COL23A1: variants seen among roughly 807,000 people sequenced by gnomAD.
COL23A1 encodes collagen alpha-1(XXIII) chain.
In COL23A1, 97 loss-of-function variants were observed where a neutral mutation model predicts 99.3. The observed-to-expected ratio is 0.98, with a 90% CI of 0.83 to 1.16. The LOEUF (loss-of-function observed/expected upper bound fraction) is 1.16. Among genes scored for constraint, COL23A1 ranks in the 50% most tolerant of loss-of-function variants. COL23A1 has a pLI of 0.00. For missense variants in COL23A1, 762 were observed against 757.4 expected, an observed-to-expected ratio of 1.01 and a Z score of -0.07; for synonymous variants, 320 against 308.2, an observed-to-expected ratio of 1.04 and a Z score of -0.40.
intron 3 of COL23A1, among the ~76,000 whole-genome samples, chr5:178,294,537 A>AAATCACTACC: frequency 6.6e-6 from 1 of 151,810 alleles, no homozygotes; most frequent in African/African-American, 2.4e-5. Flanking sequence ...CTCCTTCCCC[A>AAATCACTACC]GTGCCCCACA....
At chr5:178,262,373 A>G (rs538267441) in intron 9 of COL23A1, 121 bp from the exon 10 acceptor site, 1 of 904,494 alleles carries the variant, frequency 1.1e-6, no homozygotes, top group African/African-American at 1.7e-5. Flanking sequence ...ATTCTCGCCA[A>G]ACCTGAAGAG....
intron 2 of COL23A1, among the ~76,000 whole-genome samples, chr5:178,498,228 ATATATATATATATATATATATAT>A (rs1562025468): frequency 2.4e-4 from 14 of 57,292 alleles, no homozygotes; most frequent in African/African-American, 1.3e-3. Flanking sequence ...ATATATATAT[ATATATATATATATATATATATAT>A]ATATATAAAA....
chr5:178,368,330 G>A (rs529290292), intron 2 of COL23A1, among the ~76,000 whole-genome samples: 13 of 152,234 alleles, frequency 8.5e-5, no homozygotes, highest in African/African-American at 2.6e-4. Context: ...AAAATAGAGT[G>A]GAAAGTGCAG....
intron 27 of COL23A1, 43 bp from the exon 28 acceptor site, chr5:178,239,222 G>T (rs1291121090): frequency 1.2e-6 from 2 of 1,610,686 alleles, no homozygotes; most frequent in Non-Finnish European, 1.7e-6. Flanking sequence ...GGGGCCTGGG[G>T]AGCTCCTCTA....
chr5:178,564,683 G>A (rs1242845441), intron 1 of COL23A1, among the ~76,000 whole-genome samples: 2 of 152,120 alleles, frequency 1.3e-5, no homozygotes, highest in Admixed American at 1.3e-4. Context: ...AAGAGCTCAG[G>A]GAATCAGGGA....
At chr5:178,543,118 T>C (rs1237249653) in intron 2 of COL23A1, among the ~76,000 whole-genome samples, 1 of 152,018 alleles carries the variant, frequency 6.6e-6, no homozygotes, top group African/African-American at 2.4e-5. Context: ...TTGTTTTTTT[T>C]TTTTTTGAGC....
chr5:178,520,222 C>T (rs1759865098), intron 2 of COL23A1, among the ~76,000 whole-genome samples: 1 of 152,092 alleles, frequency 6.6e-6, no homozygotes, highest in African/African-American at 2.4e-5. Context: ...GGAGGGAAGA[C>T]TGGGAAGGAA....
At chr5:178,327,838 C>G (rs1441418740) in intron 2 of COL23A1, among the ~76,000 whole-genome samples, 1 of 152,284 alleles carries the variant, frequency 6.6e-6, no homozygotes. Context: ...TCTCCCTGCG[C>G]CCCACACAGC....
intron 2 of COL23A1, among the ~76,000 whole-genome samples, chr5:178,461,893 T>C (rs1192226472): frequency 6.6e-6 from 1 of 152,232 alleles, no homozygotes; most frequent in Non-Finnish European, 1.5e-5. Context: ...CAATGAATTC[T>C]ACACAAGTTC....
rs1420796935 is a variant in COL23A1 at position 178,237,905 on chromosome 5, C to T, written c.*793G>A. Reference sequence around the variant, plus strand: ...GACTCTGAGTGGGAGGCCTGCCTCCCTGGTCCAGGCCATGTCCTATCTTGT... The same window carrying T: ...GACTCTGAGTGGGAGGCCTGCCTCCTTGGTCCAGGCCATGTCCTATCTTGT... On this transcript the variant is annotated 3_prime_UTR_variant, in exon 29 of 29. Transcript: ENST00000390654. The T allele has an allele frequency of 6.6e-6, 1 of 152,432 alleles. No individual in the cohort carries two copies. The highest frequency in any genetic ancestry group is 1.5e-5 in the Non-Finnish European group (1 of 68,114). The allele number at this position is 152,432 out of a possible 1,614,324, so 9.4% of individuals were successfully genotyped here.
intron 2 of COL23A1, among the ~76,000 whole-genome samples, chr5:178,403,123 T>TAAAAA (rs1193086511): frequency 2.1e-5 from 1 of 47,206 alleles, no homozygotes; most frequent in African/African-American, 1.2e-4. Flanking sequence ...AAAAAAAAAA[T>TAAAAA]AAATAAATAA....
At chr5:178,350,004 C>G (rs950921110) in intron 2 of COL23A1, among the ~76,000 whole-genome samples, 1 of 152,218 alleles carries the variant, frequency 6.6e-6, no homozygotes, top group Non-Finnish European at 1.5e-5. Flanking sequence ...TATCAAGTCT[C>G]CTGGCCTTCA....
chr5:178,385,381 A>C (rs543863347), intron 2 of COL23A1, among the ~76,000 whole-genome samples: 42 of 152,294 alleles, frequency 2.8e-4, no homozygotes, highest in African/African-American at 1.0e-3. Flanking sequence ...ACACGTCTTC[A>C]TGTCAGTAGG....
At chr5:178,382,798 T>G (rs1293146927) in intron 2 of COL23A1, among the ~76,000 whole-genome samples, 2 of 152,190 alleles carry the variant, frequency 1.3e-5, no homozygotes, top group East Asian at 3.9e-4. Context: ...GCCCTGGCTC[T>G]GGGCCCACAC....
At chr5:178,311,341 A>G (rs1413245051) in intron 2 of COL23A1, among the ~76,000 whole-genome samples, 1 of 152,166 alleles carries the variant, frequency 6.6e-6, no homozygotes, top group African/African-American at 2.4e-5. Context: ...TGCCTTGCGG[A>G]ATCATGAACC....
At chr5:178,458,659 AAAACAAACAAAC>A (rs371316905) in intron 2 of COL23A1, among the ~76,000 whole-genome samples, 1 of 151,370 alleles carries the variant, frequency 6.6e-6, no homozygotes, top group Non-Finnish European at 1.5e-5. Flanking sequence ...CACAAGAAAC[AAAACAAACAAAC>A]AAACAAACAA....
At chr5:178,421,291 C>T (rs1444983196) in intron 2 of COL23A1, among the ~76,000 whole-genome samples, 1 of 152,298 alleles carries the variant, frequency 6.6e-6, no homozygotes, top group East Asian at 1.9e-4. Context: ...AGACACTGGA[C>T]TTGGATCTGG....
chr5:178,572,212 A>G (rs262067), intron 1 of COL23A1, among the ~76,000 whole-genome samples: 10,481 of 152,162 alleles, frequency 0.069, 549 homozygotes, highest in South Asian at 0.13. Flanking sequence ...AATGGAAACT[A>G]CCTAAAATGA....
chr5:178,584,012 G>A (rs1045283112), intron 1 of COL23A1, among the ~76,000 whole-genome samples: 2 of 152,048 alleles, frequency 1.3e-5, no homozygotes, highest in African/African-American at 4.8e-5. Flanking sequence ...ACAGGCTTGC[G>A]CCACCATGCC....
Sources: gnomAD v4.1 joint callset for allele counts (sites outside exome capture counted in the v4.1 genomes callset) on GRCh38, gnomAD v4.1.1 for gene constraint, MANE v1.5 for transcripts, NCBI Gene and HGNC (gene_info 2026-07-23, HGNC 2026-07-21) for gene names.